The following TECTA variants were observed in gnomAD, a reference collection of about 807,000 sequenced individuals.
The protein encoded by TECTA is alpha-tectorin.
Under a neutral mutation model 216.8 loss-of-function variants are expected in TECTA, and 128 were observed. That is an observed-to-expected ratio of 0.59 (90% CI 0.51 to 0.68). The LOEUF is 0.68. TECTA is among the 30% of genes least tolerant of loss of function. TECTA has a pLI of 0.00. For synonymous variants in TECTA, 1,089 were observed against 1,117.1 expected, an observed-to-expected ratio of 0.97 and a Z score of 0.50; for missense variants, 2,551 against 2,786.2, an observed-to-expected ratio of 0.92 and a Z score of 1.90.
chr11:121,185,052 A>T (rs1364443466), intron 20 of TECTA, among the ~76,000 whole-genome samples: 2 of 152,244 alleles, frequency 1.3e-5, no homozygotes, highest in African/African-American at 4.8e-5. Context: ...TTAGCATTTT[A>T]AAAATGGTAT....
chr11:121,185,126 C>T (rs1947269072), intron 20 of TECTA, among the ~76,000 whole-genome samples: 1 of 152,194 alleles, frequency 6.6e-6, no homozygotes, highest in South Asian at 2.1e-4. Context: ...CTCAGCTTAC[C>T]CCAGTGTCTG....
chr11:121,148,150 T>G (rs1014078629), intron 12 of TECTA, among the ~76,000 whole-genome samples: 2 of 152,194 alleles, frequency 1.3e-5, no homozygotes, highest in African/African-American at 4.8e-5. Flanking sequence ...GGAGCTCTAC[T>G]CATGGCACCC....
At position 121,113,484 on chromosome 11, in the gene TECTA, G is replaced by A; in HGVS notation, c.625-69G>A. On this transcript the variant is annotated intron_variant, in intron 5 of 23. Transcript: ENST00000392793. The surrounding 1 kb of genome is among the most constrained non-coding windows in gnomAD (Gnocchi z 4.2). Reference sequence around the variant, plus strand: ...TAGAGGTGCTGGATTTTAAAAATAAGGTAGTTGGGCCAGTTAACCCATGGG... The same window carrying A: ...TAGAGGTGCTGGATTTTAAAAATAAAGTAGTTGGGCCAGTTAACCCATGGG... 1 of 1,596,514 alleles carries A rather than the reference G, an allele frequency of 6.3e-7. No homozygotes were observed. Among genetic ancestry groups the A allele is most frequent in the Middle Eastern group, 1.7e-4 (1 of 6,036 alleles).
Position 121,125,603 on chromosome 11 carries a change from G to C in TECTA, c.1505G>C (p.Gly502Ala), listed in dbSNP as rs1352081303. The C allele has an allele frequency of 1.2e-6, 2 of 1,613,804 alleles. No homozygotes were observed. The highest frequency in any genetic ancestry group is 1.7e-6 in the Non-Finnish European group (2 of 1,179,822). ...CACGCAGACTGGAAGTGCGACTCCGGCTGCGTCGACAACTGCACCCAGTGC... is the reference window on the plus strand; with the variant it reads ...CACGCAGACTGGAAGTGCGACTCCGCCTGCGTCGACAACTGCACCCAGTGC... ...VYHADWKCDS[G>A]CVDNCTQCDA... The change falls in exon 8 of 24, where the codon GGC becomes GCC. Residue 502 changes from glycine (G) to alanine (A), a missense_variant. Around this residue, in one of 3 missense-constraint regions of TECTA, gnomAD observed 2,375 missense variants for 2,563.9 expected, o/e 0.93. Transcript: ENST00000392793.
In TECTA at chr11:121,113,844, A is replaced by G; in HGVS notation, c.790+126A>G. On this transcript the variant is annotated intron_variant, in intron 6 of 23. Transcript: ENST00000392793. The surrounding 1 kb of genome is among the most constrained non-coding windows in gnomAD (Gnocchi z 4.2). ...CTCTTTTGACATCTCTCCGCTGGGT[A>G]ATGGAGATCAAGGTAATTTTAGCAT... 1 of 1,134,536 alleles carries G rather than the reference A, an allele frequency of 8.8e-7. No homozygotes were observed. Among genetic ancestry groups the G allele is most frequent in the Non-Finnish European group, 1.3e-6 (1 of 776,042 alleles). The allele number at this position is 1,134,536 out of a possible 1,614,324, so 70.3% of individuals were successfully genotyped here.
intron 10 of TECTA, 64 bp from the exon 11 acceptor site, chr11:121,137,357 C>T (rs1591448988): frequency 1.6e-5 from 25 of 1,607,070 alleles, no homozygotes; most frequent in East Asian, 2.2e-5. Flanking sequence ...CATGCATGCA[C>T]GCACACTTCT....
intron 14 of TECTA, 59 bp downstream of exon 14, chr11:121,158,283 G>A (rs1381506412): frequency 6.3e-7 from 1 of 1,599,928 alleles, no homozygotes; most frequent in Non-Finnish European, 8.5e-7. Context: ...TTGGCTAGGG[G>A]ACTGTGTAGG....
chr11:121,160,255 A>T lies in TECTA; in HGVS notation c.4810A>T (p.Asn1604Tyr), dbSNP rs779658338. Residue 1604 changes from asparagine (N) to tyrosine (Y), a missense_variant, in exon 15 of 24, where the codon AAC becomes TAC. Coordinates refer to ENST00000392793, the MANE Select transcript of TECTA (RefSeq NM_005422.4). ...PDIQIYYNGF[N>Y]VIKISISERL... Reference sequence around the variant, plus strand: ...CATCCAGATATACTACAATGGTTTCAACGTCATTAAAATCAGCATCAGCGA... The same window carrying T: ...CATCCAGATATACTACAATGGTTTCTACGTCATTAAAATCAGCATCAGCGA... 1.9e-6 allele frequency: 3 copies of T among 1,614,228 alleles called. No homozygotes were observed. The highest frequency in any genetic ancestry group is 1.7e-6 in the Non-Finnish European group (2 of 1,180,048).
Position 121,113,532 on chromosome 11 carries a change from T to G in TECTA, c.625-21T>G. On this transcript the variant is annotated intron_variant, in intron 5 of 23. Coordinates refer to ENST00000392793, the MANE Select transcript of TECTA (RefSeq NM_005422.4). The surrounding 1 kb of genome is among the most constrained non-coding windows in gnomAD (Gnocchi z 4.2). ...GGGGAATTTTTGTACTCAAAAATCT[T>G]GTCTTCCTTTTGTGCTGCAGGCAGG... 3.1e-6 allele frequency: 5 copies of G among 1,614,056 alleles called. No homozygotes were observed. Among genetic ancestry groups the G allele is most frequent in the Non-Finnish European group, 3.4e-6 (4 of 1,180,032 alleles).
intron 20 of TECTA, among the ~76,000 whole-genome samples, chr11:121,176,866 G>C (rs1015316446): frequency 3.3e-5 from 5 of 152,136 alleles, no homozygotes; most frequent in Non-Finnish European, 7.3e-5. Flanking sequence ...TGGAGGCTTT[G>C]TTCATTTCTT....
intron 20 of TECTA, among the ~76,000 whole-genome samples, chr11:121,186,361 G>T (rs1369091132): frequency 6.6e-6 from 1 of 152,236 alleles, no homozygotes; most frequent in Non-Finnish European, 1.5e-5. Context: ...GGAAAGGGCA[G>T]GTGTTTCATT....
At chr11:121,137,325 AAC>A (rs1946739192) in intron 10 of TECTA, 94 bp from the exon 11 acceptor site, 4 of 1,530,928 alleles carry the variant, frequency 2.6e-6, no homozygotes, top group Non-Finnish European at 3.6e-6. Context: ...TGCACTCACA[AAC>A]ACACATGCAC....
At position 121,137,440 on chromosome 11, in the gene TECTA, C is replaced by G; in HGVS notation, c.2961C>G (p.Asn987Lys). 2 of 1,613,986 alleles carry G rather than the reference C, an allele frequency of 1.2e-6. No individual in the cohort carries two copies. The highest frequency in any genetic ancestry group is 1.7e-6 in the Non-Finnish European group (2 of 1,180,010). ...YDFCPLECPENSHFEECITCT... is the reference protein window; with the variant it reads ...YDFCPLECPEKSHFEECITCT... Reference sequence around the variant, plus strand: ...CTGCAGCACTGGAGTGCCCAGAGAACAGCCACTTTGAGGAGTGCATCACAT... The same window carrying G: ...CTGCAGCACTGGAGTGCCCAGAGAAGAGCCACTTTGAGGAGTGCATCACAT... Residue 987 changes from asparagine (N) to lysine (K), a missense_variant, in exon 11 of 24, where the codon AAC (asparagine) becomes AAG (lysine). Coordinates refer to ENST00000392793, the MANE Select transcript of TECTA (RefSeq NM_005422.4).
chr11:121,122,808 G>A (rs1439785214), intron 7 of TECTA, among the ~76,000 whole-genome samples: 1 of 151,162 alleles, frequency 6.6e-6, no homozygotes, highest in Non-Finnish European at 1.5e-5. Context: ...AGCCACGTTT[G>A]TGCCACTGCA....
rs530332296 is a variant in TECTA at position 121,178,802 on chromosome 11, A to G, written c.6000-9030A>G. 4.6e-5 allele frequency among the ~76,000 whole-genome samples: 7 copies of G among 152,018 alleles called. No individual in the cohort carries two copies. The South Asian group carries it at 1.2e-3, about 27-fold the overall frequency. On this transcript the variant is annotated intron_variant, in intron 20 of 23. Transcript: ENST00000392793. ...AGTTATTGGTCTGTTCAGGTTTTCT[A>G]TTTCTTCCTGATTCAACCTTGGTAG... is the stretch of plus-strand genomic sequence containing the variant.
Position 121,157,702 on chromosome 11 carries a change from C to T in TECTA, c.4306-139C>T, listed in dbSNP as rs554215746. On this transcript the variant is annotated intron_variant, in intron 13 of 23. Transcript: ENST00000392793. ...GGAGCATTTGAGTTGAGGCCGTTTC[C>T]CCACTGCTGCCTCCTACAAATTCCA... 14 of 1,201,968 alleles carry T rather than the reference C, an allele frequency of 1.2e-5. No individual in the cohort carries two copies. The East Asian group carries it at 3.3e-4, about 28-fold the overall frequency. 74.5% of individuals were successfully genotyped at this position (1,201,968 alleles called of 1,614,324 possible).
At chr11:121,174,422 G>T (rs1220321725) in intron 20 of TECTA, among the ~76,000 whole-genome samples, 9 of 152,018 alleles carry the variant, frequency 5.9e-5, no homozygotes, top group Non-Finnish European at 8.8e-5. Flanking sequence ...TTTTGTCAAA[G>T]GCCTTTTCTG....
chr11:121,115,637 T>C lies in TECTA; in HGVS notation c.790+1919T>C, dbSNP rs1946494541. Among the ~76,000 whole-genome samples, 8 of 152,204 alleles carry C rather than the reference T, an allele frequency of 5.3e-5. 1 individual carries two copies. In the South Asian group the frequency reaches 1.7e-3, roughly 32 times the overall value. ...GGGTTCTTTCTTGGCTCAGATTCAA[T>C]TTGTTGTTGTTGTTGTTGTTTTTTG... is the stretch of plus-strand genomic sequence containing the variant. On this transcript the variant is annotated intron_variant, in intron 6 of 23. Transcript: ENST00000392793.
intron 12 of TECTA, among the ~76,000 whole-genome samples, chr11:121,151,449 TAAAG>T (rs759141258): frequency 2.0e-5 from 3 of 152,222 alleles, no homozygotes; most frequent in Non-Finnish European, 4.4e-5. Context: ...AATATTGTCA[TAAAG>T]AAAGCAATGA....
Sources: allele counts gnomAD v4.1 joint callset (sites outside exome capture counted in the v4.1 genomes callset), GRCh38; gene constraint gnomAD v4.1.1; regional missense constraint gnomAD v4.1.1; non-coding constraint Gnocchi (gnomAD v3.1); transcripts MANE v1.5; gene names NCBI Gene and HGNC (gene_info 2026-07-23, HGNC 2026-07-21).